Variants in SMG9 observed in about 807,000 individuals in gnomAD.
The protein encoded by SMG9 is SMG9 nonsense mediated mRNA decay factor.
In SMG9, 55 loss-of-function variants were observed where a neutral mutation model predicts 64.0. The observed-to-expected ratio is 0.86, with a 90% CI of 0.69 to 1.08. The LOEUF is 1.08. Among genes scored for constraint, SMG9 ranks in the 50% least tolerant of loss-of-function variants. SMG9 has a pLI of 0.00. For synonymous variants in SMG9, 244 were observed against 254.8 expected (o/e 0.96, Z 0.41); for missense variants, 554 against 681.3 (o/e 0.81, Z 2.08).
At chr19:43,733,526 G>T (rs1968554027) in intron 11 of SMG9, 74 bp from the exon 12 acceptor site, 67 of 1,609,710 alleles carry the variant, frequency 4.2e-5, no homozygotes, top group Non-Finnish European at 5.1e-5. Flanking sequence ...GACAGTCAAA[G>T]CAGGATCAGG....
intron 7 of SMG9, among the ~76,000 whole-genome samples, chr19:43,739,399 A>C (rs532578496): frequency 6.6e-6 from 1 of 152,224 alleles, no homozygotes; most frequent in African/African-American, 2.4e-5. Context: ...ATGAAAATAA[A>C]TAACTTGACA....
intron 5 of SMG9, among the ~76,000 whole-genome samples, chr19:43,745,562 G>GT (rs913100772): frequency 1.3e-5 from 2 of 152,236 alleles, no homozygotes; most frequent in African/African-American, 4.8e-5. Context: ...GTTTTGTTTT[G>GT]TTTTTTAAAA....
chr19:43,731,555 G>A lies in SMG9; in HGVS notation c.*41C>T, dbSNP rs371720254. 9 of 1,613,542 alleles carry A rather than the reference G, an allele frequency of 5.6e-6. No homozygotes were observed. The highest frequency in any genetic ancestry group is 2.2e-5 in the East Asian group (1 of 44,876). On this transcript the variant is annotated 3_prime_UTR_variant, in exon 14 of 14. Transcript: ENST00000270066. ...TCTGTGCTCCCTCGCAGTACACTGC[G>A]GACCCAGGAGGTCCCCTGCATGACA...
chr19:43,747,589 G>T (rs1969056750), intron 4 of SMG9, 44 bp downstream of exon 4: 1 of 1,614,080 alleles, frequency 6.2e-7, no homozygotes, highest in South Asian at 1.1e-5. Context: ...GGATCTGTGA[G>T]GAGACGCCAG....
intron 13 of SMG9, chr19:43,732,484 C>A: frequency 4.8e-6 from 1 of 207,764 alleles, no homozygotes; most frequent in South Asian, 6.7e-5. Flanking sequence ...GTGATCAGGT[C>A]CCTGGAATAA....
Position 43,738,152 on chromosome 19 carries a change from G to A in SMG9, c.879C>T (p.Tyr293=), listed in dbSNP as rs774216418. The change falls in exon 8 of 14, where the codon TAC becomes TAT. Residue 293 remains tyrosine, a synonymous_variant. Transcript: ENST00000270066. The part of the protein sequence containing the change: ...INNDRKLPPE[Y]NLPHTYVEMQ... ...TTTCAACGTAAGTGTGGGGAAGGTT[G>A]TACTCTGGAGGCAGTTTGCGGTCAT... 26 of 1,614,134 alleles carry A rather than the reference G, an allele frequency of 1.6e-5. 1 individual carries two copies. In the South Asian group the frequency reaches 1.9e-4, roughly 12 times the overall value.
At chr19:43,736,128 C>T (rs1335140286) in intron 9 of SMG9, among the ~76,000 whole-genome samples, 1 of 152,208 alleles carries the variant, frequency 6.6e-6, no homozygotes, top group Non-Finnish European at 1.5e-5. Flanking sequence ...TCAGCTCATC[C>T]CTGTCCCCAG....
In SMG9 at chr19:43,739,785, T is replaced by A. The variant is rs1425315721; in HGVS notation, c.813+322A>T. The A allele has an allele frequency of 3.9e-5, 13 of 334,886 alleles. No individual in the cohort carries two copies. In the Admixed American group the frequency reaches 5.1e-4, roughly 13 times the overall value. 20.7% of individuals were successfully genotyped at this position (334,886 alleles called of 1,614,324 possible). The stretch of plus-strand genomic sequence containing the variant: ...CTATTTACAGATAAAGAGCTGTGGT[T>A]TAAGGGAGTTTAAAACTGAAAGTCA... On this transcript the variant is annotated intron_variant, in intron 7 of 13. Coordinates refer to ENST00000270066, the MANE Select transcript of SMG9 (RefSeq NM_019108.4).
chr19:43,749,366 AG>A (rs1969124325), intron 2 of SMG9, among the ~76,000 whole-genome samples: 1 of 152,166 alleles, frequency 6.6e-6, no homozygotes, highest in Admixed American at 6.5e-5. Context: ...CGGGACACAG[AG>A]GATAAGAAGC....
intron 2 of SMG9, 49 bp downstream of exon 2, chr19:43,750,543 G>A (rs370245976): frequency 4.9e-5 from 77 of 1,562,158 alleles, no homozygotes; most frequent in Non-Finnish European, 6.4e-5. Flanking sequence ...TGGCAGGTGC[G>A]TGGAACCAAA....
At chr19:43,749,399 G>C (rs544937163) in intron 2 of SMG9, among the ~76,000 whole-genome samples, 8 of 152,328 alleles carry the variant, frequency 5.3e-5, no homozygotes, top group African/African-American at 1.9e-4. Context: ...ACAAGAGGCT[G>C]CCAGGGCTCA....
rs1424114541 is a variant in SMG9 at position 43,731,074 on chromosome 19, G to T, written c.*522C>A. 1 of 976,260 alleles carries T rather than the reference G, an allele frequency of 1.0e-6. No individual in the cohort carries two copies. The highest frequency in any genetic ancestry group is 1.2e-6 in the Non-Finnish European group (1 of 821,520). 60.5% of individuals were successfully genotyped at this position (976,260 alleles called of 1,614,324 possible). A position where few individuals can be genotyped will look rare whatever the true frequency, so the allele number is the denominator to read the frequency against. On this transcript the variant is annotated 3_prime_UTR_variant, in exon 14 of 14. Transcript: ENST00000270066. ...AGCAGAGACTGATCTCCATCTGCCCGCAAGGGCTGGGTGTCCAATTTGTCC... is the reference window on the plus strand; with the variant it reads ...AGCAGAGACTGATCTCCATCTGCCCTCAAGGGCTGGGTGTCCAATTTGTCC...
rs774279651 is a variant in SMG9, at chr19:43,748,022, T to C, written c.181A>G (p.Met61Val). The C allele has an allele frequency of 5.0e-6, 8 of 1,613,114 alleles. No individual in the cohort carries two copies. Among genetic ancestry groups the C allele is most frequent in the South Asian group, 1.1e-5 (1 of 90,936 alleles). The change falls in exon 3 of 14, where the codon ATG becomes GTG. Residue 61 changes from methionine to valine, a missense_variant. Met to Val is a conservative substitution (Grantham distance 21). Transcript: ENST00000270066. ...DASEETSTSVMQKTPIILSKP... is the reference protein window; with the variant it reads ...DASEETSTSVVQKTPIILSKP... ...GAGAGGATGATGGGGGTTTTCTGCATGACGGAAGTGCTTGTCTCTTCGCTG... is the reference window on the plus strand; with the variant it reads ...GAGAGGATGATGGGGGTTTTCTGCACGACGGAAGTGCTTGTCTCTTCGCTG...
chr19:43,732,811 C>T (rs754142058), intron 13 of SMG9, 47 bp downstream of exon 13: 2 of 1,611,618 alleles, frequency 1.2e-6, no homozygotes, highest in Non-Finnish European at 1.7e-6. Context: ...TCTCTCTACA[C>T]CAGGGTGGGG....
In SMG9 at chr19:43,749,126, T is replaced by C. The variant is rs1568382063; in HGVS notation, c.151-1074A>G. Among the ~76,000 whole-genome samples, 3 of 152,342 alleles carry C rather than the reference T, an allele frequency of 2.0e-5. No homozygotes were observed. In the East Asian group the frequency reaches 5.8e-4, roughly 29 times the overall value. ...GTTGGTGCTCAAAACATTTGGAATT[T>C]TGGAGCACTTCGGATATTCAGTCTA... On this transcript the variant is annotated intron_variant, in intron 2 of 13. Coordinates refer to ENST00000270066, the MANE Select transcript of SMG9 (RefSeq NM_019108.4).
At chr19:43,740,663 A>G (rs1040586758) in intron 6 of SMG9, among the ~76,000 whole-genome samples, 8 of 152,152 alleles carry the variant, frequency 5.3e-5, no homozygotes, top group African/African-American at 1.7e-4. Context: ...CCTGATATAT[A>G]ATGATATATA....
intron 6 of SMG9, among the ~76,000 whole-genome samples, chr19:43,741,267 TGA>T (rs2146381775): frequency 6.6e-6 from 1 of 151,618 alleles, no homozygotes; most frequent in Non-Finnish European, 1.5e-5. Context: ...ATGCTGAGGG[TGA>T]GAGAGAAAGA....
At chr19:43,751,472 G>A (rs1349725504) in intron 1 of SMG9, among the ~76,000 whole-genome samples, 1 of 152,246 alleles carries the variant, frequency 6.6e-6, no homozygotes, top group Non-Finnish European at 1.5e-5. Flanking sequence ...TGGGCCTGTG[G>A]TAGCAACTGC....
chr19:43,732,836 C>T, intron 13 of SMG9, 22 bp downstream of exon 13: 1 of 1,613,462 alleles, frequency 6.2e-7, no homozygotes, highest in Non-Finnish European at 8.5e-7. Context: ...TCAAATTGAC[C>T]CCCTCTGCAA....
Sources: allele counts gnomAD v4.1 joint callset (sites outside exome capture counted in the v4.1 genomes callset), GRCh38; gene constraint gnomAD v4.1.1; transcripts MANE v1.5; gene names NCBI Gene and HGNC (gene_info 2026-07-23, HGNC 2026-07-21).